Variants in DOCK2 observed in about 807,000 individuals in gnomAD.
The protein encoded by DOCK2 is dedicator of cytokinesis protein 2.
A neutral mutation model predicts 248.9 loss-of-function variants in DOCK2; 87 were observed. The observed-to-expected ratio is 0.35, with a 90% CI of 0.29 to 0.42. DOCK2 has a LOEUF of 0.42. DOCK2 is among the 10% of genes least tolerant of loss of function. The pLI, the probability that DOCK2 is intolerant of heterozygous loss-of-function variation, is 1.00. For missense variants in DOCK2, 1,747 were observed against 2,300.2 expected (o/e 0.76, Z 4.92); for synonymous variants, 805 against 821.6 (o/e 0.98, Z 0.35).
chr5:169,658,295 A>G (rs1431523694), intron 2 of DOCK2, among the ~76,000 whole-genome samples: 3 of 151,966 alleles, frequency 2.0e-5, no homozygotes, highest in African/African-American at 7.2e-5. Flanking sequence ...CCTGGCTAAC[A>G]TGGTGAAACC....
At chr5:169,854,504 T>C (rs1680563) in intron 27 of DOCK2, among the ~76,000 whole-genome samples, 105,053 of 152,216 alleles carry the variant, frequency 0.69, 37,399 homozygotes, top group African/African-American at 0.88. Flanking sequence ...TTCATGTATA[T>C]AATTTCACTT....
intron 26 of DOCK2, among the ~76,000 whole-genome samples, chr5:169,807,978 C>G (rs1050480104): frequency 1.2e-4 from 19 of 152,096 alleles, no homozygotes; most frequent in African/African-American, 4.3e-4. Flanking sequence ...ATGCAAAGAT[C>G]CAACTTTGAA....
chr5:169,709,566 C>A (rs442558), intron 15 of DOCK2, among the ~76,000 whole-genome samples: 70,938 of 151,834 alleles, frequency 0.47, 17,160 homozygotes, highest in East Asian at 0.69. Flanking sequence ...TACATACATA[C>A]ATAAATGAGT....
At chr5:169,793,956 C>A (rs1766497669) in intron 25 of DOCK2, among the ~76,000 whole-genome samples, 1 of 152,170 alleles carries the variant, frequency 6.6e-6, no homozygotes, top group South Asian at 2.1e-4. Flanking sequence ...TCGTTGACTG[C>A]ACTGTATGAA....
intron 27 of DOCK2, among the ~76,000 whole-genome samples, chr5:169,902,459 C>G (rs932290160): frequency 1.3e-5 from 2 of 152,206 alleles, no homozygotes; most frequent in African/African-American, 4.8e-5. Context: ...GGGTCATGCT[C>G]TTATCCACTA....
intron 27 of DOCK2, among the ~76,000 whole-genome samples, chr5:169,973,345 C>T (rs1405930306): frequency 3.3e-5 from 5 of 152,264 alleles, no homozygotes; most frequent in Middle Eastern, 3.4e-3. Flanking sequence ...TACACATCTC[C>T]GGCTGATCAC....
In DOCK2 at chr5:169,801,812, CTT is replaced by C. The variant is rs11298132; in HGVS notation, c.2555-1232_2555-1231del. On this transcript the variant is annotated intron_variant, in intron 25 of 51. Transcript: ENST00000520908. ...TTTCTGCCATTGTTCATTGGTTTTG[CTT>C]TTTTTTTTTTTTTCCTGTAATCACC... Among the ~76,000 whole-genome samples the C allele has an allele frequency of 3.2e-3, 456 of 142,256 alleles. 1 individual carries two copies. The highest frequency in any genetic ancestry group is 3.8e-3 in the African/African-American group (148 of 38,462). 93.3% of individuals were successfully genotyped at this position (142,256 alleles called of 152,430 possible). A position where few individuals can be genotyped will look rare whatever the true frequency, so the allele number is the denominator to read the frequency against.
At chr5:169,718,586 T>G in intron 21 of DOCK2, 71 bp from the exon 22 acceptor site, 1 of 1,548,820 alleles carries the variant, frequency 6.5e-7, no homozygotes, top group Non-Finnish European at 8.8e-7. Flanking sequence ...ATTGAATGCC[T>G]TATAATTTAC....
rs540077183 is a variant in DOCK2, at chr5:169,763,334, G to A, written c.2554+1709G>A. Among the ~76,000 whole-genome samples the A allele has an allele frequency of 3.9e-5, 6 of 152,240 alleles. No homozygotes were observed. The highest frequency in any genetic ancestry group is 8.8e-5 in the Non-Finnish European group (6 of 68,050). On this transcript the variant is annotated intron_variant, in intron 25 of 51. Coordinates refer to ENST00000520908, the MANE Select transcript of DOCK2 (RefSeq NM_004946.3). The surrounding 1 kb of genome is among the most constrained non-coding windows in gnomAD (Gnocchi z 4.1). ...TCTCAGGATTTCAGGTGGTGCCACT[G>A]CAGAGGCAAATTGAGTCCCATCCTA... is the stretch of plus-strand genomic sequence containing the variant.
intron 23 of DOCK2, among the ~76,000 whole-genome samples, chr5:169,752,589 A>AC (rs970353895): frequency 1.4e-5 from 2 of 139,026 alleles, no homozygotes; most frequent in Admixed American, 1.3e-4. Flanking sequence ...AAATTAAAAA[A>AC]AAAAAAATTA....
rs746305575 is a variant in DOCK2 at position 170,002,186 on chromosome 5, A to T, written c.3072+6022A>T. Among the ~76,000 whole-genome samples, 5 of 151,958 alleles carry T rather than the reference A, an allele frequency of 3.3e-5. No individual in the cohort carries two copies. The East Asian group carries it at 9.6e-4, about 29-fold the overall frequency. The stretch of plus-strand genomic sequence containing the variant: ...ATGTATACTACAAATGTAGTTTCCC[A>T]TGCATAAAGATGTTTAAATAAAGGC... On this transcript the variant is annotated intron_variant, in intron 30 of 51. Coordinates refer to ENST00000520908, the MANE Select transcript of DOCK2 (RefSeq NM_004946.3).
At chr5:169,981,471 T>G (rs1777934930) in intron 27 of DOCK2, among the ~76,000 whole-genome samples, 1 of 152,212 alleles carries the variant, frequency 6.6e-6, no homozygotes, top group Non-Finnish European at 1.5e-5. Context: ...ACTTCGTATC[T>G]CTGCATCACA....
chr5:169,925,178 G>A (rs1189381204), intron 27 of DOCK2, among the ~76,000 whole-genome samples: 5 of 152,176 alleles, frequency 3.3e-5, no homozygotes, highest in Non-Finnish European at 7.3e-5. Flanking sequence ...AGGGGACTCT[G>A]TAGTAGGGAG....
chr5:169,809,302 T>TTTTTTTGATG (rs1166801101), intron 26 of DOCK2, among the ~76,000 whole-genome samples: 1 of 152,192 alleles, frequency 6.6e-6, no homozygotes, highest in African/African-American at 2.4e-5. Context: ...GGTTTTGATG[T>TTTTTTTGATG]TTTTGTTCAC....
At position 169,718,683 on chromosome 5, in the gene DOCK2, A is replaced by T; in HGVS notation, c.2159A>T (p.Tyr720Phe). The T allele has an allele frequency of 6.2e-7, 1 of 1,613,792 alleles. No homozygotes were observed. The highest frequency in any genetic ancestry group is 8.5e-7 in the Non-Finnish European group (1 of 1,179,784). Residue 720 changes from tyrosine to phenylalanine, a missense_variant, in exon 22 of 52, where the codon TAC (tyrosine) becomes TTC (phenylalanine). Tyr to Phe is a conservative substitution (Grantham distance 22). Around this residue, in one of 4 missense-constraint regions of DOCK2, gnomAD observed 858 missense variants for 1,183.5 expected, o/e 0.72. Coordinates refer to ENST00000520908, the MANE Select transcript of DOCK2 (RefSeq NM_004946.3). ...YKKLMTVLKT[Y>F]LDTSSRGEQC... Reference sequence around the variant, plus strand: ...AAATTGATGACAGTGCTGAAGACTTACTTGGATACCTCCAGCAGAGGGGAG... The same window carrying T: ...AAATTGATGACAGTGCTGAAGACTTTCTTGGATACCTCCAGCAGAGGGGAG...
chr5:169,882,540 A>G (rs1446420388), intron 27 of DOCK2: 2 of 1,520,966 alleles, frequency 1.3e-6, no homozygotes, highest in Admixed American at 4.3e-5. Flanking sequence ...ATATGAAAAA[A>G]AAATCTCCTT....
At chr5:169,797,798 AT>A (rs1337288157) in intron 25 of DOCK2, among the ~76,000 whole-genome samples, 13 of 152,156 alleles carry the variant, frequency 8.5e-5, no homozygotes, top group African/African-American at 3.1e-4. Context: ...CTTCAAAACC[AT>A]TTGTGTTTGT....
In DOCK2 at chr5:170,055,394, T is replaced by A; in HGVS notation, c.4295+8T>A. ...GCCTGACCAGATTATAAAGTAAGAC[T>A]CGTTGTCCACAGGGAAGAAGGATGG... On this transcript the variant is annotated splice_region_variant and intron_variant, in intron 42 of 51. Transcript: ENST00000520908. 2 of 1,613,702 alleles carry A rather than the reference T, an allele frequency of 1.2e-6. No homozygotes were observed. The highest frequency in any genetic ancestry group is 1.7e-6 in the Non-Finnish European group (2 of 1,179,646).
At chr5:169,845,234 C>T (rs968293542) in intron 27 of DOCK2, among the ~76,000 whole-genome samples, 4 of 151,078 alleles carry the variant, frequency 2.6e-5, no homozygotes, top group African/African-American at 9.7e-5. Flanking sequence ...AGTCCTGCTG[C>T]TTTTGGCCCA....
Sources: gnomAD v4.1 joint callset for allele counts (sites outside exome capture counted in the v4.1 genomes callset) on GRCh38, gnomAD v4.1.1 for gene constraint, gnomAD v4.1.1 regional missense constraint, Gnocchi (gnomAD v3.1) non-coding constraint, MANE v1.5 for transcripts, NCBI Gene and HGNC (gene_info 2026-07-23, HGNC 2026-07-21) for gene names.